Variants in RORB observed in about 807,000 individuals in gnomAD.
RORB encodes nuclear receptor ROR-beta.
In RORB, 6 loss-of-function variants were observed where a neutral mutation model predicts 59.1. The ratio of observed to expected loss-of-function variants is 0.10; its 90% confidence interval spans 0.06 to 0.20. The LOEUF (loss-of-function observed/expected upper bound fraction) is 0.20. RORB is among the 10% of genes least tolerant of loss of function. RORB has a pLI of 1.00. For synonymous variants in RORB, 215 were observed against 204.5 expected (o/e 1.05, Z -0.44); for missense variants, 320 against 560.5 (o/e 0.57, Z 4.33).
At chr9:74,546,163 AT>A (rs1826486171) in intron 1 of RORB, among the ~76,000 whole-genome samples, 2 of 152,206 alleles carry the variant, frequency 1.3e-5, no homozygotes, top group Non-Finnish European at 2.9e-5. Flanking sequence ...AACTGCCATG[AT>A]GGGAAGCAAA....
rs190780860 is a variant in RORB at position 74,650,412 on chromosome 9, T to C, written c.637+7597T>C. Reference sequence around the variant, plus strand: ...GGGCTATGGAACCCAGAAGCGCCAATTGATCACAAGGTTGATGGGGATTAG... The same window carrying C: ...GGGCTATGGAACCCAGAAGCGCCAACTGATCACAAGGTTGATGGGGATTAG... On this transcript the variant is annotated intron_variant, in intron 4 of 9. Coordinates refer to ENST00000376896, the MANE Select transcript of RORB (RefSeq NM_006914.4). Among the ~76,000 whole-genome samples the C allele has an allele frequency of 7.2e-5, 11 of 152,268 alleles. No homozygotes were observed. In the East Asian group the frequency reaches 1.4e-3, roughly 19 times the overall value.
chr9:74,535,862 G>T (rs1310429479), intron 1 of RORB, among the ~76,000 whole-genome samples: 4 of 151,974 alleles, frequency 2.6e-5, no homozygotes, highest in African/African-American at 9.7e-5. Flanking sequence ...GAAGCCAAAT[G>T]TAAGTACAAA....
intron 9 of RORB, among the ~76,000 whole-genome samples, chr9:74,683,357 A>T (rs978162044): frequency 6.6e-6 from 1 of 152,152 alleles, no homozygotes; most frequent in Non-Finnish European, 1.5e-5. Context: ...ACACTTGAAC[A>T]CTCTGTACCT....
intron 5 of RORB, among the ~76,000 whole-genome samples, chr9:74,662,023 T>G (rs1329143100): frequency 2.0e-5 from 3 of 152,132 alleles, no homozygotes; most frequent in Non-Finnish European, 4.4e-5. Flanking sequence ...ACAAATTTAG[T>G]GCCCATCAGA....
intron 1 of RORB, among the ~76,000 whole-genome samples, chr9:74,625,717 T>C (rs1460998674): frequency 6.6e-6 from 1 of 152,232 alleles, no homozygotes. Context: ...TTTAAGGAGT[T>C]ATAAAAATTC....
intron 4 of RORB, among the ~76,000 whole-genome samples, chr9:74,645,360 G>A (rs889136176): frequency 2.0e-5 from 3 of 152,122 alleles, no homozygotes; most frequent in Non-Finnish European, 4.4e-5. Context: ...GTATCACTGG[G>A]CAGGAAGGCA....
chr9:74,605,648 G>T (rs1483191299), intron 1 of RORB, among the ~76,000 whole-genome samples: 3 of 152,160 alleles, frequency 2.0e-5, no homozygotes, highest in Non-Finnish European at 4.4e-5. Flanking sequence ...TCTTCAAATA[G>T]AAGAAATGTC....
intron 1 of RORB, among the ~76,000 whole-genome samples, chr9:74,563,476 G>A (rs1445174659): frequency 6.6e-6 from 1 of 152,172 alleles, no homozygotes; most frequent in Non-Finnish European, 1.5e-5. Flanking sequence ...GAGCCATCAT[G>A]CCTGGCCCTC....
chr9:74,627,225 G>C (rs1215064641), intron 1 of RORB, among the ~76,000 whole-genome samples: 2 of 151,082 alleles, frequency 1.3e-5, no homozygotes, highest in Admixed American at 1.3e-4. Context: ...CCTTACATGA[G>C]AGAAAATGAA....
At chr9:74,567,956 AC>A (rs1822493301) in intron 1 of RORB, among the ~76,000 whole-genome samples, 1 of 152,114 alleles carries the variant, frequency 6.6e-6, no homozygotes, top group South Asian at 2.1e-4. Context: ...TATTTTTACA[AC>A]CCAGGGTTTT....
At position 74,693,049 on chromosome 9, in the gene RORB, A is replaced by G. The variant is rs1356530571; in HGVS notation, c.*7431A>G. On this transcript the variant is annotated 3_prime_UTR_variant, in exon 10 of 10. Coordinates refer to ENST00000376896, the MANE Select transcript of RORB (RefSeq NM_006914.4). ...CTTATTTTATGTCCTGTAAATTATT[A>G]GTTCAATACTGTTAGCATTCCCGGA... is the stretch of plus-strand genomic sequence containing the variant. The G allele has an allele frequency of 6.6e-6, 1 of 152,222 alleles. No individual in the cohort carries two copies. Among genetic ancestry groups the G allele is most frequent in the Non-Finnish European group, 1.5e-5 (1 of 68,034 alleles). The allele number at this position is 152,222 out of a possible 1,614,324, so 9.4% of individuals were successfully genotyped here.
At chr9:74,510,624 T>G (rs1364706391) in intron 1 of RORB, among the ~76,000 whole-genome samples, 1 of 152,162 alleles carries the variant, frequency 6.6e-6, no homozygotes, top group Non-Finnish European at 1.5e-5. Flanking sequence ...AACAATCTTG[T>G]GAGCTACGCA....
chr9:74,518,197 G>T (rs1447709771), intron 1 of RORB, among the ~76,000 whole-genome samples: 2 of 151,952 alleles, frequency 1.3e-5, no homozygotes, highest in Non-Finnish European at 2.9e-5. Context: ...GAGTGGTCTA[G>T]GGAAATGCAC....
At chr9:74,681,208 G>T (rs892301482) in intron 9 of RORB, among the ~76,000 whole-genome samples, 3 of 152,202 alleles carry the variant, frequency 2.0e-5, no homozygotes, top group African/African-American at 7.2e-5. Context: ...AAAAGTTGTT[G>T]AGCTATTAAC....
intron 1 of RORB, among the ~76,000 whole-genome samples, chr9:74,586,772 T>G (rs1363048234): frequency 6.6e-6 from 1 of 152,114 alleles, no homozygotes; most frequent in Non-Finnish European, 1.5e-5. Flanking sequence ...GAATGTAGAG[T>G]AGAACAGGGA....
chr9:74,671,192 G>A (rs1301585690), intron 8 of RORB, among the ~76,000 whole-genome samples: 1 of 151,856 alleles, frequency 6.6e-6, no homozygotes, highest in African/African-American at 2.4e-5. Context: ...AGAAGGGAGA[G>A]AGGGTCTGAG....
rs144324903 is a variant in RORB, at chr9:74,580,771, T to C, written c.8-49511T>C. 4.8e-3 allele frequency among the ~76,000 whole-genome samples: 734 copies of C among 152,308 alleles called. 8 individuals are homozygous for C. Among genetic ancestry groups the C allele is most frequent in the African/African-American group, 0.017 (709 of 41,560 alleles). ...CTCGCTAGCCAATGTTTTATAGTGA[T>C]GTCATCTTACCTTGGGGTAGCCACT... On this transcript the variant is annotated intron_variant, in intron 1 of 9. Transcript: ENST00000376896.
chr9:74,603,372 C>A (rs972478592), intron 1 of RORB, among the ~76,000 whole-genome samples: 5 of 152,142 alleles, frequency 3.3e-5, no homozygotes, highest in African/African-American at 1.2e-4. Context: ...AGGAAGGAAT[C>A]ATGGCACCAG....
intron 1 of RORB, among the ~76,000 whole-genome samples, chr9:74,519,986 C>G (rs146456314): frequency 3.5e-4 from 53 of 151,872 alleles, no homozygotes; most frequent in African/African-American, 1.1e-3. Flanking sequence ...CAATAATGCA[C>G]TATATATTAT....
Sources: gnomAD v4.1 joint callset for allele counts (sites outside exome capture counted in the v4.1 genomes callset) on GRCh38, gnomAD v4.1.1 for gene constraint, MANE v1.5 for transcripts, NCBI Gene and HGNC (gene_info 2026-07-23, HGNC 2026-07-21) for gene names.